CPA6: variants seen among roughly 807,000 people sequenced by gnomAD.
The protein encoded by CPA6 is carboxypeptidase A6, also known as carboxypeptidase B.
In CPA6, 58 loss-of-function variants were observed where a neutral mutation model predicts 63.3. That is an observed-to-expected ratio of 0.92 (90% CI 0.74 to 1.14). The LOEUF (loss-of-function observed/expected upper bound fraction) is 1.14, where lower values mean the gene tolerates loss of function less well. Ranked by LOEUF, CPA6 falls within the 50% of genes most tolerant of loss-of-function variation. CPA6 has a pLI of 0.00. For synonymous variants in CPA6, 185 were observed against 179.0 expected, an observed-to-expected ratio of 1.03 and a Z score of -0.27; for missense variants, 565 against 526.6, an observed-to-expected ratio of 1.07 and a Z score of -0.71.
chr8:67,520,905 C>T (rs1812244167), intron 2 of CPA6, among the ~76,000 whole-genome samples: 1 of 152,216 alleles, frequency 6.6e-6, no homozygotes, highest in South Asian at 2.1e-4. Context: ...CAGTAGGTCT[C>T]ACATTCTGGT....
chr8:67,485,940 GATGTGTCTCCCC>G (rs1563972417), intron 6 of CPA6, among the ~76,000 whole-genome samples: 1 of 152,158 alleles, frequency 6.6e-6, no homozygotes, highest in African/African-American at 2.4e-5. Flanking sequence ...AGTCTGGTAG[GATGTGTCTCCCC>G]ATGTTTTTTG....
intron 1 of CPA6, among the ~76,000 whole-genome samples, chr8:67,656,369 T>G (rs55911330): frequency 0.097 from 14,805 of 152,236 alleles, 785 homozygotes; most frequent in South Asian, 0.15. Flanking sequence ...CATTCTACTC[T>G]CTTCAACTAT....
At chr8:67,633,997 G>A (rs1300990975) in intron 1 of CPA6, among the ~76,000 whole-genome samples, 1 of 151,472 alleles carries the variant, frequency 6.6e-6, no homozygotes, top group Non-Finnish European at 1.5e-5. Flanking sequence ...CTTGAAGTTC[G>A]TATGTTGAAG....
chr8:67,571,031 G>A (rs925087164), intron 2 of CPA6, among the ~76,000 whole-genome samples: 9 of 152,306 alleles, frequency 5.9e-5, no homozygotes, highest in Admixed American at 5.9e-4. Context: ...GAAACCAAAA[G>A]AGAGCAGAGG....
At position 67,535,189 on chromosome 8, in the gene CPA6, T is replaced by C. The variant is rs532230848; in HGVS notation, c.193-17142A>G. ...CATACGTGTGCATGTGTCTTTATAG[T>C]AGAATGATTTATAATCCTTTGGGTA... On this transcript the variant is annotated intron_variant, in intron 2 of 10. Coordinates refer to ENST00000297770, the MANE Select transcript of CPA6 (RefSeq NM_020361.5). 6.4e-3 allele frequency among the ~76,000 whole-genome samples: 982 copies of C among 152,320 alleles called. 13 individuals are homozygous for C. Among genetic ancestry groups the C allele is most frequent in the African/African-American group, 0.022 (934 of 41,578 alleles).
At chr8:67,529,073 G>A (rs1399531380) in intron 2 of CPA6, among the ~76,000 whole-genome samples, 3 of 151,722 alleles carry the variant, frequency 2.0e-5, no homozygotes, top group Non-Finnish European at 4.4e-5. Flanking sequence ...TCATGATTTG[G>A]AGAGTTGTAA....
At chr8:67,737,681 G>T (rs752222346) in intron 1 of CPA6, among the ~76,000 whole-genome samples, 19 of 152,214 alleles carry the variant, frequency 1.2e-4, no homozygotes, top group Non-Finnish European at 2.5e-4. Flanking sequence ...CTAGCAGCGG[G>T]CCAGACACCC....
At chr8:67,731,320 A>G (rs1817701409) in intron 1 of CPA6, among the ~76,000 whole-genome samples, 1 of 152,246 alleles carries the variant, frequency 6.6e-6, no homozygotes, top group Admixed American at 6.5e-5. Flanking sequence ...TTTTCTTGAG[A>G]AACTATGCAG....
chr8:67,475,879 CTCCTTTCTTTCTTTCTTT>C (rs1811206445), intron 8 of CPA6, among the ~76,000 whole-genome samples: 39 of 45,162 alleles, frequency 8.6e-4, no homozygotes, highest in South Asian at 2.4e-3. Context: ...TTCTTTCTTT[CTCCTTTCTTTCTTTCTTT>C]CTTTCTTTCT....
At chr8:67,615,770 A>C (rs1049396745) in intron 2 of CPA6, among the ~76,000 whole-genome samples, 1 of 152,230 alleles carries the variant, frequency 6.6e-6, no homozygotes, top group Non-Finnish European at 1.5e-5. Context: ...AAAGGGATAT[A>C]GATGTTAGGG....
At chr8:67,657,925 G>A (rs1488058010) in intron 1 of CPA6, among the ~76,000 whole-genome samples, 1 of 152,076 alleles carries the variant, frequency 6.6e-6, no homozygotes, top group African/African-American at 2.4e-5. Flanking sequence ...TATTTCCTGA[G>A]TTCCCGCCTC....
chr8:67,618,472 G>A (rs1291252551), intron 2 of CPA6, among the ~76,000 whole-genome samples: 1 of 152,064 alleles, frequency 6.6e-6, no homozygotes, highest in Non-Finnish European at 1.5e-5. Context: ...GCCACACCAG[G>A]GACAGCAGCA....
chr8:67,734,345 G>GA (rs566419853), intron 1 of CPA6, among the ~76,000 whole-genome samples: 5,551 of 97,770 alleles, frequency 0.057, 278 homozygotes, highest in African/African-American at 0.15. Flanking sequence ...GGGCCCCATG[G>GA]AAAAAAAAAA....
At position 67,434,241 on chromosome 8, in the gene CPA6, C is replaced by T. The variant is rs771118654; in HGVS notation, c.839-1G>A. ...CAAGGGTGCATAGAAGCTCCTTCAT[C>T]TGCAAGTCAGAAAAGAAAATGGGGT... On this transcript the variant is annotated splice_acceptor_variant, in intron 8 of 10. Transcript: ENST00000297770. LOFTEE classifies it high-confidence loss of function. 4 of 1,613,010 alleles carry T rather than the reference C, an allele frequency of 2.5e-6. No individual in the cohort carries two copies. The African/African-American group carries it at 5.3e-5, about 22-fold the overall frequency.
intron 4 of CPA6, 34 bp from the exon 5 acceptor site, chr8:67,509,652 C>G: frequency 9.3e-7 from 1 of 1,074,940 alleles, no homozygotes; most frequent in Non-Finnish European, 1.4e-6. Flanking sequence ...ATGTTAGACT[C>G]TCTCAAAATA....
At chr8:67,730,401 C>T (rs754789435) in intron 1 of CPA6, among the ~76,000 whole-genome samples, 8 of 152,190 alleles carry the variant, frequency 5.3e-5, no homozygotes, top group Non-Finnish European at 1.0e-4. Flanking sequence ...GGATACCAAC[C>T]TCGCAGTACT....
intron 8 of CPA6, among the ~76,000 whole-genome samples, chr8:67,463,893 A>G (rs1233051137): frequency 6.6e-6 from 1 of 152,212 alleles, no homozygotes; most frequent in Admixed American, 6.5e-5. Flanking sequence ...CATGGTATAT[A>G]TGTATCACAT....
At chr8:67,446,695 T>C in intron 8 of CPA6, among the ~76,000 whole-genome samples, 1 of 152,234 alleles carries the variant, frequency 6.6e-6, no homozygotes, top group East Asian at 1.9e-4. Context: ...GTGTTTTCAT[T>C]GTTATATTAT....
At chr8:67,675,068 G>C (rs1186109421) in intron 1 of CPA6, among the ~76,000 whole-genome samples, 2 of 152,084 alleles carry the variant, frequency 1.3e-5, no homozygotes, top group African/African-American at 4.8e-5. Flanking sequence ...GTATCTATTA[G>C]GTACCATGCT....
Sources: allele counts gnomAD v4.1 joint callset (sites outside exome capture counted in the v4.1 genomes callset), GRCh38; gene constraint gnomAD v4.1.1; transcripts MANE v1.5; gene names NCBI Gene and HGNC (gene_info 2026-07-23, HGNC 2026-07-21).